The following CFAP54 variants were observed in gnomAD, a reference collection of about 807,000 sequenced individuals.
CFAP54 encodes cilia- and flagella-associated protein 54.
In CFAP54, 290 loss-of-function variants were observed where a neutral mutation model predicts 370.4. The ratio of observed to expected loss-of-function variants is 0.78; its 90% confidence interval spans 0.71 to 0.86. The LOEUF (loss-of-function observed/expected upper bound fraction) is 0.86, where lower values mean the gene tolerates loss of function less well. Among genes scored for constraint, CFAP54 ranks in the 40% least tolerant of loss-of-function variants. CFAP54 has a pLI of 0.00. For missense variants in CFAP54, 3,399 were observed against 3,528.7 expected, an observed-to-expected ratio of 0.96 and a Z score of 0.93; for synonymous variants, 1,206 against 1,236.5, an observed-to-expected ratio of 0.98 and a Z score of 0.52.
chr12:96,575,987 T>C (rs1955971298), intron 19 of CFAP54, among the ~76,000 whole-genome samples: 1 of 152,126 alleles, frequency 6.6e-6, no homozygotes, highest in African/African-American at 2.4e-5. Flanking sequence ...ACTTTTGAAA[T>C]GTTATTTAGG....
At chr12:96,805,935 A>G (rs535345991) in intron 63 of CFAP54, among the ~76,000 whole-genome samples, 1 of 151,608 alleles carries the variant, frequency 6.6e-6, no homozygotes, top group Non-Finnish European at 1.5e-5. Flanking sequence ...ACTGGAGGCC[A>G]TTATCCTAAC....
In CFAP54 at chr12:96,651,709, C is replaced by T. The variant is rs775307894; in HGVS notation, c.4994C>T (p.Pro1665Leu). 6.2e-7 allele frequency: 1 copy of T among 1,613,772 alleles called. No individual in the cohort carries two copies. The highest frequency in any genetic ancestry group is 8.5e-7 in the Non-Finnish European group (1 of 1,179,830). Residue 1665 changes from proline to leucine, a missense_variant, in exon 36 of 68, where the codon CCT becomes CTT. By Grantham distance (98) the Pro-to-Leu change is moderately conservative. Around this residue, in one of 3 missense-constraint regions of CFAP54, gnomAD observed 2,796 missense variants for 2,869.7 expected, o/e 0.97. Transcript: ENST00000524981. Reference sequence around the variant, plus strand: ...GCAGTGGATCTTGATAAAACATTTCCTATTAGCCAAGATGGTTTCCTCTGC... The same window carrying T: ...GCAGTGGATCTTGATAAAACATTTCTTATTAGCCAAGATGGTTTCCTCTGC... ...KQAVDLDKTF[P>L]ISQDGFLCTS...
chr12:96,588,309 A>C (rs1351690944), intron 22 of CFAP54, among the ~76,000 whole-genome samples: 2 of 152,142 alleles, frequency 1.3e-5, no homozygotes, highest in Non-Finnish European at 2.9e-5. Context: ...TCTGAATCTT[A>C]TCTCTGCCTT....
intron 38 of CFAP54, 133 bp from the exon 39 acceptor site, chr12:96,663,697 G>T: frequency 3.2e-6 from 2 of 621,546 alleles, no homozygotes; most frequent in East Asian, 2.9e-5. Context: ...ACACTATTCT[G>T]CCAGCTTTTT....
chr12:96,608,294 T>C (rs1435320503), intron 26 of CFAP54, among the ~76,000 whole-genome samples: 1 of 99,662 alleles, frequency 1.0e-5, no homozygotes, highest in Non-Finnish European at 1.9e-5. Context: ...GCATTTTATA[T>C]ATGCATATAT....
chr12:96,781,297 C>T (rs578254594), intron 60 of CFAP54, among the ~76,000 whole-genome samples: 41 of 152,196 alleles, frequency 2.7e-4, no homozygotes, highest in African/African-American at 4.3e-4. Flanking sequence ...ATATTCTTTA[C>T]GAATTCATGG....
intron 67 of CFAP54, among the ~76,000 whole-genome samples, chr12:96,868,786 T>G: frequency 6.6e-6 from 1 of 152,188 alleles, no homozygotes; most frequent in Non-Finnish European, 1.5e-5. Context: ...ATTCATCCTT[T>G]GCATTCACTG....
chr12:96,551,482 G>GGTGTGTGT (rs1420792545), intron 15 of CFAP54, among the ~76,000 whole-genome samples: 18 of 98,456 alleles, frequency 1.8e-4, no homozygotes, highest in African/African-American at 6.4e-4. Flanking sequence ...TTCTTGAATG[G>GGTGTGTGT]GTATGTGTGT....
chr12:96,547,915 A>T lies in CFAP54; in HGVS notation c.2091A>T (p.Arg697Ser). The T allele has an allele frequency of 6.7e-7, 1 of 1,496,236 alleles. No homozygotes were observed. Among genetic ancestry groups the T allele is most frequent in the Non-Finnish European group, 8.9e-7 (1 of 1,120,250 alleles). The allele number at this position is 1,496,236 out of a possible 1,614,324, so 92.7% of individuals were successfully genotyped here. ...TTTCTTTTCCAGATGTACCTTTAAG[A>T]GAAGGGACTAACAAATTCCCTGGAG... is the stretch of plus-strand genomic sequence containing the variant. The part of the protein sequence containing the change: ...KFKQSLDVPL[R>S]EGTNKFPGAP... The change falls in exon 15 of 68, where the codon AGA (arginine) becomes AGT (serine). Residue 697 changes from arginine (R) to serine (S), a missense_variant. This residue lies in a region of CFAP54 where 2,796 missense variants were observed against 2,869.7 expected (regional missense o/e 0.97). Coordinates refer to ENST00000524981, the MANE Select transcript of CFAP54 (RefSeq NM_001306084.2).
intron 60 of CFAP54, among the ~76,000 whole-genome samples, chr12:96,777,901 T>C (rs1293527273): frequency 6.6e-6 from 1 of 152,218 alleles, no homozygotes; most frequent in Non-Finnish European, 1.5e-5. Flanking sequence ...GAAGAGATCT[T>C]TGAATAGTTG....
At chr12:96,661,697 G>T (rs1329444539) in intron 38 of CFAP54, among the ~76,000 whole-genome samples, 1 of 152,186 alleles carries the variant, frequency 6.6e-6, no homozygotes, top group Non-Finnish European at 1.5e-5. Flanking sequence ...ATTAGTATCT[G>T]CAAAATCCCT....
intron 32 of CFAP54, among the ~76,000 whole-genome samples, chr12:96,640,187 C>A (rs1296449363): frequency 6.6e-6 from 1 of 152,132 alleles, no homozygotes; most frequent in Non-Finnish European, 1.5e-5. Flanking sequence ...ACCCCATTGT[C>A]TCAGCCCAAA....
chr12:96,507,530 C>CAT (rs1955117962), intron 4 of CFAP54, among the ~76,000 whole-genome samples: 1 of 68,968 alleles, frequency 1.4e-5, no homozygotes, highest in Non-Finnish European at 3.0e-5. Flanking sequence ...CACACACACA[C>CAT]ACATACACAC....
Position 96,764,224 on chromosome 12 carries a change from G to T in CFAP54, c.8114G>T (p.Trp2705Leu). The change falls in exon 59 of 68, where the codon TGG becomes TTG. Residue 2705 changes from tryptophan (W) to leucine (L), a missense_variant. Physicochemically the swap from Trp to Leu is moderately conservative, Grantham distance 61. This residue lies in a region of CFAP54 where 2,796 missense variants were observed against 2,869.7 expected (regional missense o/e 0.97). Transcript: ENST00000524981. ...TTTGAAATGTACAGTTCATTAGCCT[G>T]GATTGCAATAAGAGCTGCTGCACAG... ...NKFEMYSSLA[W>L]IAIRAAAQVS... 1 of 1,612,708 alleles carries T rather than the reference G, an allele frequency of 6.2e-7. No homozygotes were observed. The highest frequency in any genetic ancestry group is 8.5e-7 in the Non-Finnish European group (1 of 1,179,304).
intron 66 of CFAP54, among the ~76,000 whole-genome samples, chr12:96,830,304 T>C (rs1042774767): frequency 2.0e-5 from 3 of 152,216 alleles, no homozygotes; most frequent in African/African-American, 7.2e-5. Flanking sequence ...TGTACAATTT[T>C]ATACTACCAC....
At chr12:96,776,203 T>G (rs921846385) in intron 60 of CFAP54, among the ~76,000 whole-genome samples, 2 of 152,068 alleles carry the variant, frequency 1.3e-5, no homozygotes, top group African/African-American at 4.8e-5. Context: ...TCAATGATGT[T>G]AAGAAATTAA....
At chr12:96,633,257 C>T (rs552284824) in intron 32 of CFAP54, among the ~76,000 whole-genome samples, 1 of 152,268 alleles carries the variant, frequency 6.6e-6, no homozygotes, top group East Asian at 1.9e-4. Context: ...TTGTGGACAT[C>T]CTTGTTGTAA....
At chr12:96,632,094 T>G (rs777814905) in intron 32 of CFAP54, among the ~76,000 whole-genome samples, 1 of 151,984 alleles carries the variant, frequency 6.6e-6, no homozygotes, top group Non-Finnish European at 1.5e-5. Flanking sequence ...ATTCCTAAGG[T>G]TAGGCATCTT....
chr12:96,527,228 T>G lies in CFAP54; in HGVS notation c.1159-18T>G. On this transcript the variant is annotated intron_variant, in intron 8 of 67. Coordinates refer to ENST00000524981, the MANE Select transcript of CFAP54 (RefSeq NM_001306084.2). ...AGCTTTAACAAATGGACTGAACTTT[T>G]TTTTTTCTCAATTTCAGTTATCATG... 6.7e-7 allele frequency: 1 copy of G among 1,501,870 alleles called. No individual in the cohort carries two copies. The highest frequency in any genetic ancestry group is 8.8e-7 in the Non-Finnish European group (1 of 1,130,398). 93.0% of individuals were successfully genotyped at this position (1,501,870 alleles called of 1,614,324 possible).
Sources: gnomAD v4.1 joint callset for allele counts (sites outside exome capture counted in the v4.1 genomes callset) on GRCh38, gnomAD v4.1.1 for gene constraint, gnomAD v4.1.1 regional missense constraint, MANE v1.5 for transcripts, NCBI Gene and HGNC (gene_info 2026-07-23, HGNC 2026-07-21) for gene names.